Variants in C20orf204 observed in about 807,000 individuals in gnomAD.
C20orf204 encodes the protein chromosome 20 open reading frame 204, also known as uncharacterized protein C20orf204.
In C20orf204, 6 loss-of-function variants were observed where a neutral mutation model predicts 3.6. That is an observed-to-expected ratio of 1.68 (90% CI 0.92 to 3.31). C20orf204 has a LOEUF of 3.31. Among genes scored for constraint, C20orf204 ranks in the 30% most tolerant of loss-of-function variants. The probability of loss-of-function intolerance (pLI) is 0.00; values close to 1 mark genes in which losing one functional copy is unlikely to be tolerated. For synonymous variants in C20orf204, 80 were observed against 41.4 expected, an observed-to-expected ratio of 1.93 and a Z score of -3.58; for missense variants, 167 against 89.7, an observed-to-expected ratio of 1.86 and a Z score of -3.48.
At position 64,038,293 on chromosome 20, in the gene C20orf204, C is replaced by A; in HGVS notation, c.280-3C>A. On this transcript the variant is annotated splice_region_variant and splice_polypyrimidine_tract_variant and intron_variant, in intron 2 of 3. Transcript: ENST00000636176. ...ACCCCGCCTTCCTCCCTTCCCTCCC[C>A]AGGAGCACAGTATCCTCCTGTCCAT... The A allele has an allele frequency of 4.0e-6, 3 of 757,150 alleles. No individual in the cohort carries two copies. The highest frequency in any genetic ancestry group is 4.9e-6 in the Non-Finnish European group (2 of 408,326). The allele number at this position is 757,150 out of a possible 1,614,324, so 46.9% of individuals were successfully genotyped here.
upstream of C20orf204, chr20:64,035,564 C>T (rs934387925): frequency 3.3e-5 from 5 of 152,290 alleles, no homozygotes; most frequent in African/African-American, 9.6e-5. Context: ...CAGAGTGCCC[C>T]AGACCACAGC....
Position 64,038,872 on chromosome 20 carries a change from A to G in C20orf204, c.*113A>G. On this transcript the variant is annotated 3_prime_UTR_variant, in exon 4 of 4. Coordinates refer to ENST00000636176, the MANE Select transcript of C20orf204 (RefSeq NM_001387010.1). The stretch of plus-strand genomic sequence containing the variant: ...GTGACCTCGGCCCCTCGCTCGACGC[A>G]GCCCGCGCTCCCCGGAGGGCCCAGG... 1 of 731,366 alleles carries G rather than the reference A, an allele frequency of 1.4e-6. No individual in the cohort carries two copies. Among genetic ancestry groups the G allele is most frequent in the Non-Finnish European group, 2.5e-6 (1 of 394,546 alleles). 45.3% of individuals were successfully genotyped at this position (731,366 alleles called of 1,614,324 possible). A position where few individuals can be genotyped will look rare whatever the true frequency, so the allele number is the denominator to read the frequency against.
In C20orf204 at chr20:64,038,027, G is replaced by A; in HGVS notation, c.104G>A (p.Arg35His). 1.9e-6 allele frequency: 1 copy of A among 520,284 alleles called. No homozygotes were observed. The allele number at this position is 520,284 out of a possible 1,614,324, so 32.2% of individuals were successfully genotyped here. ...SPACSVPDVL[R>H]HYRAIIFEDL... ...GCCTGCAGCGTCCCCGACGTGCTCC[G>A]CCACTATCGCGCCATCATCTTCGAG... Residue 35 changes from arginine (R) to histidine (H), a missense_variant, in exon 2 of 4, where the codon CGC becomes CAC. Arg to His is a conservative substitution (Grantham distance 29). Coordinates refer to ENST00000636176, the MANE Select transcript of C20orf204 (RefSeq NM_001387010.1).
intron 2 of C20orf204, 40 bp from the exon 3 acceptor site, chr20:64,038,256 C>CCCCCCA (rs925408450): frequency 5.4e-6 from 4 of 740,994 alleles, no homozygotes; most frequent in African/African-American, 3.5e-5. Context: ...CTCTCAGTTT[C>CCCCCCA]CCCCCACCCC....
rs1186312173 is a variant in C20orf204, at chr20:64,038,100, C to G, written c.177C>G (p.Thr59=). Residue 59 remains threonine, a synonymous_variant, in exon 2 of 4, where the codon ACC becomes ACG. Transcript: ENST00000636176. Reference sequence around the variant, plus strand: ...GGGGCGGGGCGGGGGCCGAAAAGACCAGGCCAGGCTCCAGACACTTTCATT... The same window carrying G: ...GGGGCGGGGCGGGGGCCGAAAAGACGAGGCCAGGCTCCAGACACTTTCATT... ...VKWGGAGAEK[T]RPGSRHFHFI... 1 of 499,420 alleles carries G rather than the reference C, an allele frequency of 2.0e-6. No individual in the cohort carries two copies. The highest frequency in any genetic ancestry group is 3.6e-6 in the Non-Finnish European group (1 of 277,688). The allele number at this position is 499,420 out of a possible 1,614,324, so 30.9% of individuals were successfully genotyped here.
chr20:64,037,607 T>G (rs1213922433), intron 1 of C20orf204: 1 of 253,832 alleles, frequency 3.9e-6, no homozygotes, highest in East Asian at 7.3e-5. Flanking sequence ...ACTCTGGGCC[T>G]GCCCCCTCTA....
intron 3 of C20orf204, 46 bp downstream of exon 3, chr20:64,038,494 C>A (rs1264992321): frequency 1.6e-6 from 1 of 644,328 alleles, no homozygotes. Flanking sequence ...CCTTAACCCC[C>A]ACAGGGCCGC....
upstream of C20orf204, among the ~76,000 whole-genome samples, chr20:64,033,710 T>TAC (rs1266979930): frequency 6.6e-6 from 1 of 152,248 alleles, no homozygotes; most frequent in East Asian, 1.9e-4. Context: ...TAGCTGGGAC[T>TAC]ACAGGCGCCC....
chr20:64,033,925 A>G (rs2059328983), upstream of C20orf204, among the ~76,000 whole-genome samples: 1 of 152,238 alleles, frequency 6.6e-6, no homozygotes, highest in East Asian at 1.9e-4. Context: ...TGATCACCCG[A>G]GAGACTTGGC....
Position 64,038,076 on chromosome 20 carries a change from G to C in C20orf204, c.153G>C (p.Trp51Cys), listed in dbSNP as rs1601540012. The stretch of plus-strand genomic sequence containing the variant: ...AGGATCTGCAGGCCGCCGTGAAGTG[G>C]GGCGGGGCGGGGGCCGAAAAGACCA... ...IFEDLQAAVK[W>C]GGAGAEKTRP... Residue 51 changes from tryptophan (W) to cysteine (C), a missense_variant, in exon 2 of 4, where the codon TGG becomes TGC. By Grantham distance (215) the Trp-to-Cys change is radical. Coordinates refer to ENST00000636176, the MANE Select transcript of C20orf204 (RefSeq NM_001387010.1). 1 of 509,352 alleles carries C rather than the reference G, an allele frequency of 2.0e-6. No homozygotes were observed. Among genetic ancestry groups the C allele is most frequent in the East Asian group, 3.5e-5 (1 of 28,596 alleles). 31.6% of individuals were successfully genotyped at this position (509,352 alleles called of 1,614,324 possible).
Position 64,038,211 on chromosome 20 carries a change from G to C in C20orf204, c.279+9G>C, listed in dbSNP as rs1300111854. The C allele has an allele frequency of 2.8e-6, 2 of 704,642 alleles. No homozygotes were observed. Among genetic ancestry groups the C allele is most frequent in the South Asian group, 1.5e-5 (1 of 64,920 alleles). 43.6% of individuals were successfully genotyped at this position (704,642 alleles called of 1,614,324 possible). ...CCTGTGGCGCCCAGAAGGTATGGAG[G>C]AGGCGCCCCTACCCAAGCTCGCCGG... On this transcript the variant is annotated intron_variant, in intron 2 of 3. Coordinates refer to ENST00000636176, the MANE Select transcript of C20orf204 (RefSeq NM_001387010.1).
chr20:64,033,970 C>T (rs1481935247), upstream of C20orf204, among the ~76,000 whole-genome samples: 3 of 152,326 alleles, frequency 2.0e-5, no homozygotes, highest in East Asian at 5.8e-4. Context: ...GGATAAAGGA[C>T]GTCCTCAGGC....
chr20:64,037,950 G>T lies in C20orf204; in HGVS notation c.27G>T (p.Trp9Cys). 1 of 489,760 alleles carries T rather than the reference G, an allele frequency of 2.0e-6. No homozygotes were observed. Among genetic ancestry groups the T allele is most frequent in the Non-Finnish European group, 3.6e-6 (1 of 279,180 alleles). The allele number at this position is 489,760 out of a possible 1,614,324, so 30.3% of individuals were successfully genotyped here. A position where few individuals can be genotyped will look rare whatever the true frequency, so the allele number is the denominator to read the frequency against. Residue 9 changes from tryptophan to cysteine, a missense_variant, in exon 2 of 4, where the codon TGG becomes TGT. Trp to Cys is a radical substitution (Grantham distance 215, BLOSUM62 -2). Transcript: ENST00000636176. MVPPKPAL[W>C]ALLLALLGTA... ...AGGTACCCCCTAAGCCTGCACTCTGGGCGCTCCTGCTGGCGCTGCTGGGGA... is the reference window on the plus strand; with the variant it reads ...AGGTACCCCCTAAGCCTGCACTCTGTGCGCTCCTGCTGGCGCTGCTGGGGA...
intron 1 of C20orf204, 45 bp from the exon 2 acceptor site, chr20:64,037,882 T>C (rs2059343410): frequency 2.4e-6 from 1 of 412,886 alleles, no homozygotes; most frequent in Non-Finnish European, 4.3e-6. Context: ...CTCCCTGTGC[T>C]GGGAACACCC....
chr20:64,034,807 C>A (rs2059331989), upstream of C20orf204: 1 of 151,668 alleles, frequency 6.6e-6, no homozygotes, highest in Non-Finnish European at 1.5e-5. Flanking sequence ...AACCGAGGCC[C>A]AGGAAGTTTG....
rs1359839318 is a variant in C20orf204, at chr20:64,038,172, A to G, written c.249A>G (p.Gly83=). Reference sequence around the variant, plus strand: ...GACCCGGGAGCTCGGGACGGCGGGGACGGCCTCGGGCCTCCTGTGGCGCCC... The same window carrying G: ...GACCCGGGAGCTCGGGACGGCGGGGGCGGCCTCGGGCCTCCTGTGGCGCCC... ...LTRPGSSGRR[G]RPRASCGAQK... Residue 83 remains glycine, a synonymous_variant, in exon 2 of 4, where the codon GGA becomes GGG. Transcript: ENST00000636176. The G allele has an allele frequency of 3.4e-6, 2 of 591,100 alleles. No individual in the cohort carries two copies. Among genetic ancestry groups the G allele is most frequent in the Admixed American group, 3.2e-5 (1 of 31,462 alleles). 36.6% of individuals were successfully genotyped at this position (591,100 alleles called of 1,614,324 possible). A position where few individuals can be genotyped will look rare whatever the true frequency, so the allele number is the denominator to read the frequency against.
rs767667248 is a variant in C20orf204 at position 64,038,866 on chromosome 20, C to T, written c.*107C>T. The stretch of plus-strand genomic sequence containing the variant: ...TTGTTGGTGACCTCGGCCCCTCGCT[C>T]GACGCAGCCCGCGCTCCCCGGAGGG... On this transcript the variant is annotated 3_prime_UTR_variant, in exon 4 of 4. Transcript: ENST00000636176. 1.4e-6 allele frequency: 1 copy of T among 729,356 alleles called. No individual in the cohort carries two copies. Among genetic ancestry groups the T allele is most frequent in the Non-Finnish European group, 2.5e-6 (1 of 393,424 alleles). The allele number at this position is 729,356 out of a possible 1,614,324, so 45.2% of individuals were successfully genotyped here.
rs752562799 is a variant in C20orf204, at chr20:64,038,418, G to T, written c.402G>T (p.Val134=). Reference sequence around the variant, plus strand: ...CCGTGGCTGTGCGCACCGAGGCGGTGATGCGGCGCCACTGCAGGACGCTGC... The same window carrying T: ...CCGTGGCTGTGCGCACCGAGGCGGTTATGCGGCGCCACTGCAGGACGCTGC... ...AWTVAVRTEA[V]MRRHCRTLRQ... Residue 134 remains valine (V), a synonymous_variant, in exon 3 of 4, where the codon GTG becomes GTT. Transcript: ENST00000636176. 3.9e-6 allele frequency: 3 copies of T among 770,474 alleles called. No homozygotes were observed. Among genetic ancestry groups the T allele is most frequent in the Non-Finnish European group, 7.2e-6 (3 of 414,816 alleles). The allele number at this position is 770,474 out of a possible 1,614,324, so 47.7% of individuals were successfully genotyped here. A position where few individuals can be genotyped will look rare whatever the true frequency, so the allele number is the denominator to read the frequency against.
upstream of C20orf204, chr20:64,035,181 TGTC>T (rs1251475161): frequency 1.3e-5 from 2 of 152,240 alleles, no homozygotes; most frequent in African/African-American, 2.4e-5. Flanking sequence ...CGTTAGGTGA[TGTC>T]GTCTTGCAAA....
Sources: allele counts gnomAD v4.1 joint callset (sites outside exome capture counted in the v4.1 genomes callset), GRCh38; gene constraint gnomAD v4.1.1; transcripts MANE v1.5; gene names NCBI Gene and HGNC (gene_info 2026-07-23, HGNC 2026-07-21).